The following TNKS variants were observed in gnomAD, a reference collection of about 807,000 sequenced individuals.
The protein encoded by TNKS is poly [ADP-ribose] polymerase tankyrase-1.
In TNKS, 72 loss-of-function variants were observed where a neutral mutation model predicts 135.8. That is an observed-to-expected ratio of 0.53 (90% CI 0.44 to 0.64). The LOEUF (loss-of-function observed/expected upper bound fraction) is 0.64, where lower values mean the gene tolerates loss of function less well. Among genes scored for constraint, TNKS ranks in the 30% least tolerant of loss-of-function variants. The pLI is 0.00. For synonymous variants in TNKS, 849 were observed against 649.3 expected (o/e 1.31, Z -4.68); for missense variants, 1,769 against 1,674.0 (o/e 1.06, Z -0.99).
At chr8:9,632,264 C>T (rs778712541) in intron 3 of TNKS, among the ~76,000 whole-genome samples, 4 of 152,180 alleles carry the variant, frequency 2.6e-5, no homozygotes, top group Admixed American at 1.3e-4. Context: ...TGTCAAGCTT[C>T]CCTACGACTG....
At chr8:9,634,402 G>A (rs531839000) in intron 3 of TNKS, among the ~76,000 whole-genome samples, 7 of 152,232 alleles carry the variant, frequency 4.6e-5, no homozygotes, top group African/African-American at 1.7e-4. Flanking sequence ...ACTTTTGAAC[G>A]TAATTCTTTG....
intron 11 of TNKS, among the ~76,000 whole-genome samples, chr8:9,717,675 G>T (rs1419139742): frequency 1.3e-5 from 2 of 152,122 alleles, no homozygotes; most frequent in African/African-American, 2.4e-5. Context: ...GGTACTTACT[G>T]CTGAGAGGAT....
intron 13 of TNKS, among the ~76,000 whole-genome samples, chr8:9,729,211 G>C (rs1365036439): frequency 6.6e-6 from 1 of 152,196 alleles, no homozygotes; most frequent in Non-Finnish European, 1.5e-5. Flanking sequence ...GGAGGGAAGA[G>C]TCCGCATGAC....
At chr8:9,571,403 T>G (rs969012246) in intron 1 of TNKS, among the ~76,000 whole-genome samples, 16 of 152,186 alleles carry the variant, frequency 1.1e-4, no homozygotes, top group African/African-American at 3.9e-4. Flanking sequence ...GTGTTTGTTT[T>G]GAGGGATGAT....
At chr8:9,703,838 A>C (rs1003215319) in intron 5 of TNKS, among the ~76,000 whole-genome samples, 1 of 152,206 alleles carries the variant, frequency 6.6e-6, no homozygotes, top group Non-Finnish European at 1.5e-5. Context: ...CAAAGGTGGA[A>C]AATTGCTATG....
At chr8:9,730,196 A>T (rs1022669487) in intron 13 of TNKS, among the ~76,000 whole-genome samples, 5 of 152,208 alleles carry the variant, frequency 3.3e-5, no homozygotes, top group Admixed American at 1.3e-4. Flanking sequence ...AACGGAGCTT[A>T]CAATTTAGAT....
chr8:9,580,943 A>G (rs1256506308), intron 2 of TNKS, among the ~76,000 whole-genome samples: 13 of 152,188 alleles, frequency 8.5e-5, no homozygotes, highest in Non-Finnish European at 1.3e-4. Flanking sequence ...TTCAATCAGC[A>G]TTTTGTTCTC....
At chr8:9,660,056 A>G (rs1801620507) in intron 3 of TNKS, among the ~76,000 whole-genome samples, 3 of 152,224 alleles carry the variant, frequency 2.0e-5, no homozygotes, top group Non-Finnish European at 4.4e-5. Flanking sequence ...GAATCTCTGA[A>G]TAGACCAACA....
rs754671042 is a variant in TNKS at position 9,751,835 on chromosome 8, A to G, written c.3059A>G (p.Lys1020Arg). The G allele has an allele frequency of 5.2e-5, 84 of 1,614,034 alleles. No homozygotes were observed. The highest frequency in any genetic ancestry group is 6.7e-5 in the Non-Finnish European group (79 of 1,179,984). The change falls in exon 19 of 27, where the codon AAG becomes AGG. Residue 1020 changes from lysine to arginine, a missense_variant. Lys to Arg is a conservative substitution (Grantham distance 26). Transcript: ENST00000310430. The part of the protein sequence containing the change: ...AGDGAAGTER[K>R]EGEVAGLDMN... ...GATGGCGCCGCGGGAACAGAAAGGA[A>G]GGAAGGAGAAGGTGAGTAGACCCCA...
At position 9,758,324 on chromosome 8, in the gene TNKS, G is replaced by GT. The variant is rs572191561; in HGVS notation, c.3154-3184dup. Among the ~76,000 whole-genome samples the GT allele has an allele frequency of 1.3e-4, 19 of 151,658 alleles. No homozygotes were observed. In the South Asian group the frequency reaches 3.3e-3, roughly 27 times the overall value. Reference sequence around the variant, plus strand: ...TAGAAAGTTGTCCCATTCCCTTTTTGTTTTTTTTAGATTCCACAGGTTGAT... The same window carrying GT: ...TAGAAAGTTGTCCCATTCCCTTTTTGTTTTTTTTTAGATTCCACAGGTTGAT... On this transcript the variant is annotated intron_variant, in intron 20 of 26. Coordinates refer to ENST00000310430, the MANE Select transcript of TNKS (RefSeq NM_003747.3).
At chr8:9,684,023 T>C (rs1802887973) in intron 5 of TNKS, among the ~76,000 whole-genome samples, 1 of 151,880 alleles carries the variant, frequency 6.6e-6, no homozygotes, top group Admixed American at 6.6e-5. Flanking sequence ...AAAATGATAC[T>C]TTTATGCAAT....
chr8:9,610,569 G>C (rs1799422911), intron 2 of TNKS, among the ~76,000 whole-genome samples: 1 of 151,926 alleles, frequency 6.6e-6, no homozygotes, highest in South Asian at 2.1e-4. Context: ...TTAGTCCTTT[G>C]ATATTTTTCT....
intron 26 of TNKS, among the ~76,000 whole-genome samples, chr8:9,773,875 T>C (rs1029654274): frequency 1.3e-5 from 2 of 152,220 alleles, no homozygotes; most frequent in Admixed American, 6.5e-5. Context: ...GAGCAGTTTT[T>C]GCTAATTTTA....
intron 1 of TNKS, chr8:9,566,161 T>A (rs1257234305): frequency 1.3e-5 from 2 of 152,174 alleles, no homozygotes; most frequent in Non-Finnish European, 2.9e-5. Flanking sequence ...AAATTTGGTA[T>A]TTTCAAAAGA....
chr8:9,564,273 T>C (rs944324009), intron 1 of TNKS, among the ~76,000 whole-genome samples: 6 of 152,150 alleles, frequency 3.9e-5, no homozygotes, highest in Admixed American at 3.9e-4. Flanking sequence ...AGGTGTTCTT[T>C]CCTGACGGGA....
At position 9,709,412 on chromosome 8, in the gene TNKS, T is replaced by C. The variant is rs924790724; in HGVS notation, c.1579-543T>C. On this transcript the variant is annotated intron_variant, in intron 9 of 26. Transcript: ENST00000310430. ...TATTTTTAAATTTTAATACGAATAT[T>C]AAAATGAAGCAGAATAAAAAAGTTG... is the stretch of plus-strand genomic sequence containing the variant. Among the ~76,000 whole-genome samples, 138 of 152,306 alleles carry C rather than the reference T, an allele frequency of 9.1e-4. 2 individuals carry two copies. The highest frequency in any genetic ancestry group is 2.9e-3 in the African/African-American group (122 of 41,576).
intron 3 of TNKS, among the ~76,000 whole-genome samples, chr8:9,645,458 G>A (rs79274629): frequency 3.9e-5 from 6 of 152,218 alleles, no homozygotes; most frequent in East Asian, 3.9e-4. Flanking sequence ...CAAACAGGAC[G>A]AACCTCAGAA....
At chr8:9,573,804 A>T (rs143463062) in intron 1 of TNKS, among the ~76,000 whole-genome samples, 36 of 152,312 alleles carry the variant, frequency 2.4e-4, no homozygotes, top group African/African-American at 7.5e-4. Context: ...TGACTTTAAG[A>T]TGTGATTTTG....
chr8:9,600,747 T>C (rs1254578136), intron 2 of TNKS, among the ~76,000 whole-genome samples: 2 of 152,170 alleles, frequency 1.3e-5, no homozygotes, highest in African/African-American at 4.8e-5. Flanking sequence ...TAGTCCCAGA[T>C]GTTGACAGAA....
Sources: allele counts gnomAD v4.1 joint callset (sites outside exome capture counted in the v4.1 genomes callset), GRCh38; gene constraint gnomAD v4.1.1; transcripts MANE v1.5; gene names NCBI Gene and HGNC (gene_info 2026-07-23, HGNC 2026-07-21).